FLVCR2: variants seen among roughly 807,000 people sequenced by gnomAD.
The protein encoded by FLVCR2 is FLVCR choline and putative heme transporter 2.
In FLVCR2, 38 loss-of-function variants were observed where a neutral mutation model predicts 48.9. The ratio of observed to expected loss-of-function variants is 0.78; its 90% CI spans 0.60 to 1.02. FLVCR2 has a LOEUF of 1.02. FLVCR2 is among the 50% of genes least tolerant of loss of function. FLVCR2 has a pLI of 0.00. For synonymous variants in FLVCR2, 255 were observed against 257.0 expected (o/e 0.99, Z 0.07); for missense variants, 664 against 663.3 (o/e 1.00, Z -0.01).
At chr14:75,589,065 AAG>A (rs1888821018) in intron 1 of FLVCR2, among the ~76,000 whole-genome samples, 2 of 152,086 alleles carry the variant, frequency 1.3e-5, no homozygotes, top group Non-Finnish European at 1.5e-5. Flanking sequence ...TTTTTAAAAA[AAG>A]AAGCTGTGCA....
At chr14:75,609,898 G>A (rs77462967) in intron 1 of FLVCR2, among the ~76,000 whole-genome samples, 3 of 148,156 alleles carry the variant, frequency 2.0e-5, no homozygotes, top group Non-Finnish European at 4.5e-5. Flanking sequence ...TTTGAGTTGG[G>A]GGGGATAGAT....
chr14:75,596,009 AC>A, intron 1 of FLVCR2: 1 of 1,481,450 alleles, frequency 6.8e-7, no homozygotes, highest in Non-Finnish European at 9.3e-7. Flanking sequence ...TTGTCTTGCC[AC>A]CACCAAAATG....
At chr14:75,595,393 A>T (rs1310156881) in intron 1 of FLVCR2, among the ~76,000 whole-genome samples, 1 of 152,180 alleles carries the variant, frequency 6.6e-6, no homozygotes, top group East Asian at 1.9e-4. Flanking sequence ...CTAGAAAGTG[A>T]CTCAGGCCTT....
intron 1 of FLVCR2, among the ~76,000 whole-genome samples, chr14:75,607,711 G>A (rs1381565155): frequency 2.0e-5 from 3 of 152,096 alleles, no homozygotes; most frequent in African/African-American, 4.8e-5. Context: ...TATATCGGAT[G>A]TGTAGGTGCC....
At chr14:75,610,892 T>C (rs1201147449) in intron 1 of FLVCR2, among the ~76,000 whole-genome samples, 4 of 152,224 alleles carry the variant, frequency 2.6e-5, no homozygotes, top group African/African-American at 9.6e-5. Flanking sequence ...TGCAGCAAAC[T>C]GCTACTGTGC....
At position 75,622,184 on chromosome 14, in the gene FLVCR2, G is replaced by T; in HGVS notation, c.775G>T (p.Gly259Cys). The T allele has an allele frequency of 1.2e-6, 2 of 1,613,980 alleles. No individual in the cohort carries two copies. The highest frequency in any genetic ancestry group is 1.7e-6 in the Non-Finnish European group (2 of 1,179,952). The change falls in exon 2 of 10, where the codon GGT (glycine) becomes TGT (cysteine). Residue 259 changes from glycine to cysteine, a missense_variant. Transcript: ENST00000238667. ...CAGCATCATGTTCTATATAATAGGA[G>T]GTGTGGCCACTCTCCTCCTCATCCT... ...HISIMFYIIG[G>C]VATLLLILVI...
intron 1 of FLVCR2, among the ~76,000 whole-genome samples, chr14:75,583,940 C>G (rs1888673338): frequency 6.6e-6 from 1 of 152,234 alleles, no homozygotes; most frequent in Non-Finnish European, 1.5e-5. Flanking sequence ...CAGCGTCAGT[C>G]TTCAGCTGCT....
In FLVCR2 at chr14:75,579,481, G is replaced by A; in HGVS notation, c.509G>A (p.Gly170Asp). 1 of 1,613,064 alleles carries A rather than the reference G, an allele frequency of 6.2e-7. No individual in the cohort carries two copies. The highest frequency in any genetic ancestry group is 1.7e-5 in the Admixed American group (1 of 60,000). ...TGCCTGGGGGCCTGGGTGAAGCTGG[G>A]CAGCCTGAAGCCGCATCTCTTTCCG... is the stretch of plus-strand genomic sequence containing the variant. ...LNCLGAWVKLGSLKPHLFPVT... is the reference protein window; with the variant it reads ...LNCLGAWVKLDSLKPHLFPVT... Residue 170 changes from glycine (G) to aspartate (D), a missense_variant, in exon 1 of 10, where the codon GGC (glycine) becomes GAC (aspartate). Physicochemically the swap from Gly to Asp is moderately conservative, Grantham distance 94. Coordinates refer to ENST00000238667, the MANE Select transcript of FLVCR2 (RefSeq NM_017791.3).
At chr14:75,592,712 G>A (rs533390109) in intron 1 of FLVCR2, among the ~76,000 whole-genome samples, 2 of 152,222 alleles carry the variant, frequency 1.3e-5, no homozygotes, top group East Asian at 3.9e-4. Flanking sequence ...GCCTAGGCCG[G>A]GCATGGTGGC....
At chr14:75,579,684 G>A (rs766417306) in intron 1 of FLVCR2, 43 bp downstream of exon 1, 5 of 1,599,374 alleles carry the variant, frequency 3.1e-6, no homozygotes, top group Non-Finnish European at 4.3e-6. Context: ...GCGTGTGTTA[G>A]ATTGCACCTA....
At chr14:75,609,881 T>TGTGTGCCA (rs1889394410) in intron 1 of FLVCR2, among the ~76,000 whole-genome samples, 1 of 143,134 alleles carries the variant, frequency 7.0e-6, no homozygotes, top group Non-Finnish European at 1.5e-5. Flanking sequence ...GGTCAGGGAG[T>TGTGTGCCA]GGCACCTTTG....
chr14:75,599,865 G>A (rs1303536033), intron 1 of FLVCR2, among the ~76,000 whole-genome samples: 1 of 152,008 alleles, frequency 6.6e-6, no homozygotes, highest in Non-Finnish European at 1.5e-5. Context: ...GGAAAAGACA[G>A]TCTTTTCAAT....
chr14:75,644,105 G>A (rs1890363524), intron 9 of FLVCR2, among the ~76,000 whole-genome samples: 1 of 151,306 alleles, frequency 6.6e-6, no homozygotes, highest in South Asian at 2.1e-4. Flanking sequence ...ATAGCCTAGT[G>A]AAAGGTTTCA....
intron 1 of FLVCR2, among the ~76,000 whole-genome samples, chr14:75,583,145 G>A (rs999031365): frequency 3.3e-5 from 5 of 152,176 alleles, no homozygotes; most frequent in African/African-American, 1.2e-4. Flanking sequence ...AAGAAAGCAT[G>A]TTTGAGATCC....
intron 1 of FLVCR2, among the ~76,000 whole-genome samples, chr14:75,614,606 G>A (rs1889560719): frequency 6.6e-6 from 1 of 152,200 alleles, no homozygotes; most frequent in Non-Finnish European, 1.5e-5. Context: ...GAATATAGGG[G>A]ATTTATAGGG....
intron 5 of FLVCR2, 40 bp downstream of exon 5, chr14:75,635,053 G>GT (rs1890132512): frequency 1.5e-6 from 2 of 1,333,138 alleles, no homozygotes; most frequent in African/African-American, 2.9e-5. Flanking sequence ...TTGGGGACCT[G>GT]TTTTTTGAAA....
intron 9 of FLVCR2, among the ~76,000 whole-genome samples, chr14:75,644,164 G>A (rs760857877): frequency 4.3e-4 from 65 of 151,892 alleles, no homozygotes; most frequent in Non-Finnish European, 6.8e-4. Flanking sequence ...TTGCTGTGTT[G>A]ACTTTATAAC....
At chr14:75,611,019 G>A (rs1261341761) in intron 1 of FLVCR2, among the ~76,000 whole-genome samples, 1 of 152,188 alleles carries the variant, frequency 6.6e-6, no homozygotes, top group Admixed American at 6.5e-5. Context: ...CTGTTCTTGT[G>A]ATTGTGTCAG....
chr14:75,624,365 G>GA lies in FLVCR2; in HGVS notation c.812-236dup, dbSNP rs749179999. Among the ~76,000 whole-genome samples the GA allele has an allele frequency of 4.8e-3, 655 of 135,980 alleles. 3 individuals are homozygous for GA. Among genetic ancestry groups the GA allele is most frequent in the Non-Finnish European group, 6.8e-3 (420 of 61,650 alleles). The allele number at this position is 135,980 out of a possible 152,430, so 89.2% of individuals were successfully genotyped here. ...GAGACTCCGTCTCAAAAAAAATAAA[G>GA]AAAAAAAAAAAGAAAATGGCATAAA... On this transcript the variant is annotated intron_variant, in intron 2 of 9. Transcript: ENST00000238667.
Sources: allele counts gnomAD v4.1 joint callset (sites outside exome capture counted in the v4.1 genomes callset), GRCh38; gene constraint gnomAD v4.1.1; transcripts MANE v1.5; gene names NCBI Gene and HGNC (gene_info 2026-07-23, HGNC 2026-07-21).